The following KCNH7 variants were observed in gnomAD, a reference collection of about 807,000 sequenced individuals.
The protein encoded by KCNH7 is potassium voltage-gated channel subfamily H member 7, also known as voltage-gated inwardly rectifying potassium channel KCNH7.
Under a neutral mutation model 120.8 loss-of-function variants are expected in KCNH7, and 49 were observed. That is an observed-to-expected ratio of 0.41 (90% CI 0.32 to 0.51). KCNH7 has a LOEUF of 0.51. KCNH7 is among the 20% of genes least tolerant of loss of function. The pLI, the probability that KCNH7 is intolerant of heterozygous loss-of-function variation, is 0.38. For missense variants in KCNH7, 1,097 were observed against 1,446.6 expected (o/e 0.76, Z 3.92); for synonymous variants, 547 against 516.1 (o/e 1.06, Z -0.81).
chr2:162,744,145 A>G (rs997005597), intron 2 of KCNH7, among the ~76,000 whole-genome samples: 1 of 152,140 alleles, frequency 6.6e-6, no homozygotes, highest in Non-Finnish European at 1.5e-5. Context: ...AAAAATATCC[A>G]TTTGTCAGAT....
At chr2:162,553,297 C>T (rs1692741605) in intron 2 of KCNH7, among the ~76,000 whole-genome samples, 2 of 152,126 alleles carry the variant, frequency 1.3e-5, no homozygotes, top group Admixed American at 1.3e-4. Flanking sequence ...TCTCAACCAG[C>T]CGTTATGATT....
At chr2:162,833,913 T>G (rs554934256) in intron 2 of KCNH7, among the ~76,000 whole-genome samples, 1 of 152,278 alleles carries the variant, frequency 6.6e-6, no homozygotes, top group Admixed American at 6.5e-5. Context: ...TTCATTGGGC[T>G]TATTACATCA....
chr2:162,615,983 A>C (rs552955052), intron 2 of KCNH7, among the ~76,000 whole-genome samples: 3 of 152,332 alleles, frequency 2.0e-5, no homozygotes, highest in Admixed American at 2.0e-4. Flanking sequence ...TAGAGATAGG[A>C]AAATTGCTGA....
chr2:162,638,028 G>A (rs751479894), intron 2 of KCNH7, among the ~76,000 whole-genome samples: 3 of 152,142 alleles, frequency 2.0e-5, no homozygotes, highest in Admixed American at 6.6e-5. Flanking sequence ...ACATTTTATC[G>A]TTCAATGGGA....
chr2:162,412,751 G>A (rs1007295084), intron 9 of KCNH7, among the ~76,000 whole-genome samples: 1 of 152,120 alleles, frequency 6.6e-6, no homozygotes, highest in East Asian at 1.9e-4. Context: ...AAATGTAACT[G>A]TTTAATGACC....
intron 1 of KCNH7, among the ~76,000 whole-genome samples, chr2:162,838,172 T>A (rs969955882): frequency 6.6e-6 from 1 of 152,146 alleles, no homozygotes; most frequent in Non-Finnish European, 1.5e-5. Flanking sequence ...GATAGTAGAA[T>A]AGTAGGAAAT....
At chr2:162,830,829 G>A (rs1013123288) in intron 2 of KCNH7, among the ~76,000 whole-genome samples, 1 of 152,116 alleles carries the variant, frequency 6.6e-6, no homozygotes, top group African/African-American at 2.4e-5. Context: ...CAAAGAGCCA[G>A]CCTTCACCAG....
chr2:162,391,320 T>G (rs549097204), intron 12 of KCNH7, among the ~76,000 whole-genome samples: 1 of 152,120 alleles, frequency 6.6e-6, no homozygotes, highest in African/African-American at 2.4e-5. Flanking sequence ...ATATTGACGC[T>G]ACATCAAGAA....
intron 2 of KCNH7, among the ~76,000 whole-genome samples, chr2:162,774,662 T>C (rs1683171278): frequency 6.6e-6 from 1 of 152,156 alleles, no homozygotes; most frequent in South Asian, 2.1e-4. Flanking sequence ...ATAAATTCAG[T>C]GGAAGAATAT....
intron 5 of KCNH7, among the ~76,000 whole-genome samples, chr2:162,509,815 A>G (rs902827914): frequency 6.6e-6 from 1 of 151,564 alleles, no homozygotes; most frequent in African/African-American, 2.4e-5. Context: ...CAAACCTTGA[A>G]AGTAGTTTTA....
At chr2:162,403,191 T>G (rs2105449755) in intron 9 of KCNH7, among the ~76,000 whole-genome samples, 1 of 152,092 alleles carries the variant, frequency 6.6e-6, no homozygotes, top group Non-Finnish European at 1.5e-5. Flanking sequence ...TATAATCTTT[T>G]TAGTTAGGAA....
chr2:162,407,200 C>T (rs1687253379), intron 9 of KCNH7, among the ~76,000 whole-genome samples: 1 of 151,854 alleles, frequency 6.6e-6, no homozygotes, highest in South Asian at 2.1e-4. Flanking sequence ...TGTAGCTTTT[C>T]AACATTTGGC....
intron 2 of KCNH7, among the ~76,000 whole-genome samples, chr2:162,594,190 C>T (rs976009564): frequency 1.3e-5 from 2 of 151,674 alleles, no homozygotes; most frequent in African/African-American, 4.8e-5. Context: ...TTTAAAAGAA[C>T]ATTCTAGTTT....
At chr2:162,376,431 T>C (rs924466349) in intron 14 of KCNH7, among the ~76,000 whole-genome samples, 20 of 151,592 alleles carry the variant, frequency 1.3e-4, no homozygotes, top group Non-Finnish European at 2.8e-4. Context: ...AGTAGCATGA[T>C]CTCGGCTCGC....
At chr2:162,509,559 C>T (rs1690995205) in intron 5 of KCNH7, among the ~76,000 whole-genome samples, 1 of 151,546 alleles carries the variant, frequency 6.6e-6, no homozygotes, top group South Asian at 2.1e-4. Context: ...ATAAGGCAAC[C>T]AGTTTAGCAC....
chr2:162,502,186 G>A (rs1280994625), intron 6 of KCNH7: 3 of 151,814 alleles, frequency 2.0e-5, no homozygotes, highest in Non-Finnish European at 4.4e-5. Flanking sequence ...CCCTTCCCTT[G>A]GCTAACTCTT....
intron 9 of KCNH7, among the ~76,000 whole-genome samples, chr2:162,404,491 T>C (rs914034841): frequency 6.6e-6 from 1 of 151,940 alleles, no homozygotes; most frequent in African/African-American, 2.4e-5. Flanking sequence ...TGTTTGGTCA[T>C]GGGGGTTGAT....
At chr2:162,381,726 T>C (rs1686424937) in intron 13 of KCNH7, among the ~76,000 whole-genome samples, 1 of 152,112 alleles carries the variant, frequency 6.6e-6, no homozygotes, top group Non-Finnish European at 1.5e-5. Context: ...AAGAGGCAGT[T>C]TATAATTTCT....
chr2:162,819,949 G>A (rs1447534509), intron 2 of KCNH7, among the ~76,000 whole-genome samples: 1 of 150,220 alleles, frequency 6.7e-6, no homozygotes, highest in East Asian at 2.0e-4. Context: ...GCAAATATAA[G>A]CACCCACAAT....
Sources: gnomAD v4.1 joint callset for allele counts (sites outside exome capture counted in the v4.1 genomes callset) on GRCh38, gnomAD v4.1.1 for gene constraint, MANE v1.5 for transcripts, NCBI Gene and HGNC (gene_info 2026-07-23, HGNC 2026-07-21) for gene names.